PARD3: variants seen among roughly 807,000 people sequenced by gnomAD.
PARD3 encodes the protein par-3 family cell polarity regulator.
In PARD3, 75 loss-of-function variants were observed where a neutral mutation model predicts 155.4. The ratio of observed to expected loss-of-function variants is 0.48; its 90% CI spans 0.40 to 0.58. The LOEUF (loss-of-function observed/expected upper bound fraction) is 0.58, where lower values mean the gene tolerates loss of function less well. Among genes scored for constraint, PARD3 ranks in the 20% least tolerant of loss-of-function variants. The pLI is 0.00. For synonymous variants in PARD3, 576 were observed against 610.5 expected, an observed-to-expected ratio of 0.94 and a Z score of 0.83; for missense variants, 1,642 against 1,721.7, an observed-to-expected ratio of 0.95 and a Z score of 0.82.
At chr10:34,702,017 T>C (rs1024129603) in intron 1 of PARD3, among the ~76,000 whole-genome samples, 2 of 151,670 alleles carry the variant, frequency 1.3e-5, no homozygotes, top group Non-Finnish European at 2.9e-5. Context: ...ACAAAACAAT[T>C]AGCCGGGCAT....
chr10:34,453,860 T>C (rs1485070549), intron 4 of PARD3, among the ~76,000 whole-genome samples: 1 of 152,232 alleles, frequency 6.6e-6, no homozygotes, highest in Non-Finnish European at 1.5e-5. Context: ...TGGCTGAAGA[T>C]GGCAAGGTCT....
rs2076181116 is a variant in PARD3, at chr10:34,436,252, C to T, written c.714+14065G>A. ...CACCCCAAGACGTCCTTTTCCTTAA[C>T]TGTTGTTTATTTGTTGGAGGAAAGG... On this transcript the variant is annotated intron_variant, in intron 5 of 24. Coordinates refer to ENST00000374788, the MANE Select transcript of PARD3 (RefSeq NM_001184785.2). Among the ~76,000 whole-genome samples, 2 of 152,186 alleles carry T rather than the reference C, an allele frequency of 1.3e-5. 1 individual carries two copies. The highest frequency in any genetic ancestry group is 4.1e-4 in the South Asian group (2 of 4,828).
At chr10:34,730,579 T>G (rs557393626) in intron 1 of PARD3, among the ~76,000 whole-genome samples, 2 of 152,040 alleles carry the variant, frequency 1.3e-5, no homozygotes, top group East Asian at 1.9e-4. Context: ...AGCCCAGGAG[T>G]TGTACACCAG....
intron 2 of PARD3, among the ~76,000 whole-genome samples, chr10:34,572,521 C>G (rs1460648227): frequency 6.6e-6 from 1 of 151,818 alleles, no homozygotes; most frequent in African/African-American, 2.4e-5. Flanking sequence ...CGCCTGCAGT[C>G]CCAGCTACTC....
At chr10:34,753,240 T>C (rs1001604227) in intron 1 of PARD3, among the ~76,000 whole-genome samples, 10 of 152,234 alleles carry the variant, frequency 6.6e-5, no homozygotes, top group African/African-American at 2.4e-4. Context: ...CCAAGGGCAC[T>C]TGGACTGACA....
chr10:34,250,737 ATATT>A (rs1258414050), intron 22 of PARD3, among the ~76,000 whole-genome samples: 1 of 151,138 alleles, frequency 6.6e-6, no homozygotes, highest in Non-Finnish European at 1.5e-5. Context: ...AGTACACTAC[ATATT>A]TATTAACATA....
At chr10:34,748,325 C>T (rs1309966114) in intron 1 of PARD3, among the ~76,000 whole-genome samples, 1 of 152,126 alleles carries the variant, frequency 6.6e-6, no homozygotes, top group East Asian at 1.9e-4. Flanking sequence ...CCAAAATTAG[C>T]TGGGTGTGGT....
At chr10:34,717,044 C>T (rs1052632461) in intron 1 of PARD3, among the ~76,000 whole-genome samples, 5 of 152,000 alleles carry the variant, frequency 3.3e-5, no homozygotes, top group African/African-American at 1.2e-4. Flanking sequence ...CAGTGTGGCC[C>T]GGGGATACCA....
intron 1 of PARD3, among the ~76,000 whole-genome samples, chr10:34,744,088 T>G (rs1835010307): frequency 6.6e-6 from 1 of 152,168 alleles, no homozygotes; most frequent in African/African-American, 2.4e-5. Flanking sequence ...AGCAAAAATC[T>G]CAGCTGTGCC....
At chr10:34,754,166 A>T (rs1439275891) in intron 1 of PARD3, among the ~76,000 whole-genome samples, 1 of 152,100 alleles carries the variant, frequency 6.6e-6, no homozygotes, top group African/African-American at 2.4e-5. Flanking sequence ...ATGCCACCAT[A>T]TGTGGCTAAT....
At chr10:34,241,955 TA>T (rs139873816) in intron 22 of PARD3, among the ~76,000 whole-genome samples, 238 of 150,802 alleles carry the variant, frequency 1.6e-3, no homozygotes, top group Middle Eastern at 6.8e-3. Flanking sequence ...GAGTCTCTTT[TA>T]AAAAAAAAAT....
chr10:34,147,598 A>G (rs1001386479), intron 22 of PARD3, among the ~76,000 whole-genome samples: 1 of 151,952 alleles, frequency 6.6e-6, no homozygotes, highest in African/African-American at 2.4e-5. Context: ...TTGCCTCTAC[A>G]TAATAAAATT....
chr10:34,624,392 T>C (rs2091874291), intron 2 of PARD3, among the ~76,000 whole-genome samples: 1 of 152,220 alleles, frequency 6.6e-6, no homozygotes, highest in South Asian at 2.1e-4. Context: ...AAGGATCTGT[T>C]GTGACTAAGG....
chr10:34,173,693 T>C (rs1949906178), intron 22 of PARD3, among the ~76,000 whole-genome samples: 1 of 152,186 alleles, frequency 6.6e-6, no homozygotes, highest in Non-Finnish European at 1.5e-5. Context: ...ATTCTCACTT[T>C]TCTAAGAGGA....
chr10:34,727,830 A>G (rs1431998370), intron 1 of PARD3, among the ~76,000 whole-genome samples: 14 of 148,288 alleles, frequency 9.4e-5, no homozygotes, highest in Non-Finnish European at 1.0e-4. Flanking sequence ...ACACACACAC[A>G]CACGCACGCA....
At chr10:34,564,987 C>A (rs2085804753) in intron 2 of PARD3, among the ~76,000 whole-genome samples, 1 of 152,058 alleles carries the variant, frequency 6.6e-6, no homozygotes, top group Admixed American at 6.6e-5. Context: ...AAGAAACTTG[C>A]CCAAGTGCAC....
chr10:34,399,512 A>G, intron 6 of PARD3, 99 bp from the exon 7 acceptor site: 2 of 766,900 alleles, frequency 2.6e-6, no homozygotes, highest in South Asian at 2.9e-5. Flanking sequence ...ACAGACACAC[A>G]ATAAACAACA....
intron 2 of PARD3, among the ~76,000 whole-genome samples, chr10:34,686,056 T>C (rs1265298346): frequency 1.3e-5 from 2 of 152,206 alleles, no homozygotes; most frequent in Non-Finnish European, 2.9e-5. Context: ...ACTAAAATAC[T>C]ACTTACTTGA....
chr10:34,809,331 T>G (rs1193132502), intron 1 of PARD3, among the ~76,000 whole-genome samples: 1 of 152,042 alleles, frequency 6.6e-6, no homozygotes, highest in Non-Finnish European at 1.5e-5. Context: ...AGCCACCGCT[T>G]CAAGCATTTC....
Sources: gnomAD v4.1 joint callset for allele counts (sites outside exome capture counted in the v4.1 genomes callset) on GRCh38, gnomAD v4.1.1 for gene constraint, MANE v1.5 for transcripts, NCBI Gene and HGNC (gene_info 2026-07-23, HGNC 2026-07-21) for gene names.